SLC4A5: variants seen among roughly 807,000 people sequenced by gnomAD.
SLC4A5 encodes the protein solute carrier family 4 member 5.
A neutral mutation model predicts 120.4 loss-of-function variants in SLC4A5; 96 were observed. The observed-to-expected ratio is 0.80, with a 90% CI of 0.68 to 0.94. The LOEUF is 0.94. SLC4A5 is among the 40% of genes least tolerant of loss of function. The pLI, the probability that SLC4A5 is intolerant of heterozygous loss-of-function variation, is 0.00. For missense variants in SLC4A5, 1,259 were observed against 1,459.5 expected (o/e 0.86, Z 2.24); for synonymous variants, 550 against 571.1 (o/e 0.96, Z 0.53).
intron 23 of SLC4A5, among the ~76,000 whole-genome samples, chr2:74,233,187 T>A (rs1670153046): frequency 6.6e-6 from 1 of 152,196 alleles, no homozygotes; most frequent in Non-Finnish European, 1.5e-5. Context: ...CCAGCCTAGT[T>A]TGGTCCTGGT....
intron 14 of SLC4A5, among the ~76,000 whole-genome samples, chr2:74,254,058 C>T (rs941946668): frequency 6.6e-6 from 1 of 152,138 alleles, no homozygotes; most frequent in Non-Finnish European, 1.5e-5. Flanking sequence ...GTAAAGCCTG[C>T]AGCCGCAAGC....
chr2:74,311,365 T>A (rs111642995), intron 6 of SLC4A5, among the ~76,000 whole-genome samples: 73 of 152,166 alleles, frequency 4.8e-4, no homozygotes, highest in Non-Finnish European at 8.8e-4. Flanking sequence ...CAATTCCTTC[T>A]CTTGTTTCCT....
intron 4 of SLC4A5, among the ~76,000 whole-genome samples, chr2:74,329,752 T>C (rs370082079): frequency 1.1e-4 from 17 of 151,468 alleles, no homozygotes; most frequent in African/African-American, 4.1e-4. Flanking sequence ...TTCTGAGGTA[T>C]TGACGGTGGT....
At chr2:74,239,608 T>G in intron 20 of SLC4A5, 73 bp from the exon 21 acceptor site, 202 of 1,409,946 alleles carry the variant, frequency 1.4e-4, no homozygotes, top group Non-Finnish European at 1.9e-4. Context: ...CCCACTGCAG[T>G]CCCCAGGCAG....
At chr2:74,281,583 T>C (rs1367381239) in intron 8 of SLC4A5, among the ~76,000 whole-genome samples, 1 of 152,196 alleles carries the variant, frequency 6.6e-6, no homozygotes, top group Non-Finnish European at 1.5e-5. Context: ...CAGCCTGACC[T>C]ACCAGCATTG....
chr2:74,242,103 A>G (rs1482171970), intron 19 of SLC4A5, 51 bp from the exon 20 acceptor site: 4 of 1,552,400 alleles, frequency 2.6e-6, no homozygotes, highest in Non-Finnish European at 3.5e-6. Flanking sequence ...TGGGGCTGGG[A>G]GCTGCATTCC....
chr2:74,239,255 G>T (rs1164286213), intron 21 of SLC4A5, 80 bp downstream of exon 21: 4 of 1,357,744 alleles, frequency 2.9e-6, no homozygotes, highest in African/African-American at 1.4e-5. Flanking sequence ...AGTCCATCCT[G>T]TCGGTGGACC....
chr2:74,258,623 G>GCTATA (rs1671041639), intron 12 of SLC4A5, among the ~76,000 whole-genome samples: 1 of 152,178 alleles, frequency 6.6e-6, no homozygotes, highest in South Asian at 2.1e-4. Flanking sequence ...CTGTCTTTCA[G>GCTATA]CTGTATAGAC....
intron 6 of SLC4A5, chr2:74,307,590 A>G: frequency 1.4e-6 from 1 of 713,220 alleles, no homozygotes; most frequent in South Asian, 1.3e-5. Context: ...AGTATTTGCG[A>G]AGATCTGAGC....
exon 27 of SLC4A5, chr2:74,227,061 C>A: frequency 6.2e-7 from 1 of 1,614,122 alleles, no homozygotes. Flanking sequence ...CGCAGCGGCA[C>A]GTGCCGCAGG....
intron 8 of SLC4A5, among the ~76,000 whole-genome samples, chr2:74,282,176 C>T (rs1671834526): frequency 6.6e-6 from 1 of 152,198 alleles, no homozygotes; most frequent in Non-Finnish European, 1.5e-5. Context: ...CCATGGTGGG[C>T]TTCTTGGCTG....
At chr2:74,221,337 G>A (rs909211784) in intron 30 of SLC4A5, 97 bp downstream of exon 30, 6 of 894,292 alleles carry the variant, frequency 6.7e-6, no homozygotes, top group Non-Finnish European at 1.0e-5. Context: ...CTTCTACTGA[G>A]AGGACAGCTA....
At chr2:74,290,546 G>A in intron 7 of SLC4A5, 1 of 984,844 alleles carries the variant, frequency 1.0e-6, no homozygotes, top group Non-Finnish European at 1.2e-6. Flanking sequence ...TTATGCAAAA[G>A]TGTTTGAGAG....
chr2:74,232,498 AG>A lies in SLC4A5; in HGVS notation c.2744del (p.Pro915LeufsTer15). ...CTCCCAGAAACTGGGGCTGCTCCCC[AG>A]GGGCACTGGTCTCTGTCTCCATCTT... On this transcript the variant is annotated frameshift_variant, in exon 24 of 31. Coordinates refer to ENST00000394019, the Ensembl canonical transcript of SLC4A5. LOFTEE classifies it high-confidence loss of function. The A allele has an allele frequency of 6.2e-7, 1 of 1,613,924 alleles. No homozygotes were observed. Among genetic ancestry groups the A allele is most frequent in the African/African-American group, 1.3e-5 (1 of 74,992 alleles).
Position 74,265,633 on chromosome 2 carries a change from G to GT in SLC4A5, c.402-370dup, listed in dbSNP as rs979785780. Among the ~76,000 whole-genome samples, 16 of 152,252 alleles carry GT rather than the reference G, an allele frequency of 1.1e-4. No homozygotes were observed. In the East Asian group the frequency reaches 1.3e-3, roughly 13 times the overall value. ...TAAGTTATTCTAGAACAATAAAGCT[G>GT]TTTTTTTAAAAAGCCTCAACTGGAA... On this transcript the variant is annotated intron_variant, in intron 8 of 30. Transcript: ENST00000394019.
chr2:74,263,783 T>C (rs1671214034), intron 10 of SLC4A5, among the ~76,000 whole-genome samples: 1 of 152,348 alleles, frequency 6.6e-6, no homozygotes, highest in African/African-American at 2.4e-5. Context: ...CTGTGTGACA[T>C]AAGAATCTCT....
chr2:74,291,126 A>G (rs1672153573), intron 7 of SLC4A5, among the ~76,000 whole-genome samples: 1 of 152,120 alleles, frequency 6.6e-6, no homozygotes, highest in African/African-American at 2.4e-5. Flanking sequence ...CCCAACTTTA[A>G]ACCCAAACTC....
chr2:74,329,884 A>G (rs1673310130), intron 4 of SLC4A5, among the ~76,000 whole-genome samples: 1 of 151,670 alleles, frequency 6.6e-6, no homozygotes, highest in African/African-American at 2.4e-5. Flanking sequence ...TGAGGTTTAC[A>G]TGGAAGTGAT....
At chr2:74,247,810 C>T (rs988335653) in intron 18 of SLC4A5, among the ~76,000 whole-genome samples, 3 of 151,816 alleles carry the variant, frequency 2.0e-5, no homozygotes, top group African/African-American at 4.8e-5. Flanking sequence ...CCACCACGCC[C>T]GGCCAAAAAA....
Sources: gnomAD v4.1 joint callset for allele counts (sites outside exome capture counted in the v4.1 genomes callset) on GRCh38, gnomAD v4.1.1 for gene constraint, MANE v1.5 for transcripts, NCBI Gene and HGNC (gene_info 2026-07-23, HGNC 2026-07-21) for gene names.